ESR1: variants seen among roughly 807,000 people sequenced by gnomAD.
ESR1 encodes the protein estrogen receptor 1.
In ESR1, 12 loss-of-function variants were observed where a neutral mutation model predicts 52.7. The observed-to-expected ratio is 0.23, with a 90% confidence interval of 0.15 to 0.37. ESR1 has a LOEUF of 0.37. Ranked by LOEUF, ESR1 falls within the 10% of genes least tolerant of loss-of-function variation. ESR1 has a pLI of 1.00. For missense variants in ESR1, 584 were observed against 779.7 expected (o/e 0.75, Z 2.99); for synonymous variants, 305 against 316.8 (o/e 0.96, Z 0.39).
At chr6:151,967,012 G>T (rs1222721184) in intron 4 of ESR1, among the ~76,000 whole-genome samples, 1 of 152,134 alleles carries the variant, frequency 6.6e-6, no homozygotes, top group Admixed American at 6.5e-5. Flanking sequence ...ATCCTGCTTT[G>T]CATTCCCTTA....
At chr6:152,045,163 G>A (rs1428335490) in intron 5 of ESR1, among the ~76,000 whole-genome samples, 1 of 152,158 alleles carries the variant, frequency 6.6e-6, no homozygotes, top group Non-Finnish European at 1.5e-5. Flanking sequence ...GAAGCAGAAG[G>A]GACAATTACT....
chr6:152,060,986 C>T lies in ESR1; in HGVS notation c.1236-5C>T, dbSNP rs2128957637. On this transcript the variant is annotated splice_region_variant and splice_polypyrimidine_tract_variant and intron_variant, in intron 5 of 7. Coordinates refer to ENST00000206249, the MANE Select transcript of ESR1 (RefSeq NM_000125.4). ...TATTTATTTATTTTTGCTATGTTTT[C>T]ATAGGAACCAGGGAAAATGTGTAGA... The T allele has an allele frequency of 6.3e-7, 1 of 1,596,792 alleles. No individual in the cohort carries two copies. The highest frequency in any genetic ancestry group is 8.6e-7 in the Non-Finnish European group (1 of 1,169,272).
intron 1 of ESR1, among the ~76,000 whole-genome samples, chr6:151,676,925 G>A (rs1243934442): frequency 4.6e-5 from 7 of 152,174 alleles, no homozygotes; most frequent in African/African-American, 1.2e-4. Context: ...ACTGTGTAAC[G>A]CAGTTTGGAG....
intron 5 of ESR1, among the ~76,000 whole-genome samples, chr6:152,021,747 G>A (rs527566480): frequency 2.6e-5 from 4 of 152,260 alleles, no homozygotes; most frequent in African/African-American, 9.6e-5. Context: ...TGTTGTGGGA[G>A]GGACCCGGTG....
intron 4 of ESR1, among the ~76,000 whole-genome samples, chr6:151,947,889 A>G (rs1409811743): frequency 1.3e-5 from 2 of 152,150 alleles, no homozygotes; most frequent in Non-Finnish European, 2.9e-5. Flanking sequence ...AACACATACT[A>G]TGTATCTACT....
At chr6:152,010,767 T>C (rs1010395705) in intron 4 of ESR1, among the ~76,000 whole-genome samples, 10 of 152,178 alleles carry the variant, frequency 6.6e-5, no homozygotes, top group African/African-American at 2.4e-4. Context: ...GGAATATCAG[T>C]TCCTACCTCT....
At chr6:151,694,880 G>T (rs901406721) in intron 1 of ESR1, among the ~76,000 whole-genome samples, 1 of 152,154 alleles carries the variant, frequency 6.6e-6, no homozygotes, top group African/African-American at 2.4e-5. Context: ...GTGAATGAGG[G>T]TTCACCTGGC....
At position 151,685,150 on chromosome 6, in the gene ESR1, G is replaced by T. The variant is rs1393596633; in HGVS notation, n.74-16725G>T. ...TTTTTTTTTTTTTTTTTTTTGAGAC[G>T]GAGTCTCGCTCTGTCGCCCAGGCCG... On this transcript the variant is annotated intron_variant and non_coding_transcript_variant, in intron 1 of 2. Coordinates refer to the ESR1 transcript ENST00000473497. Among the ~76,000 whole-genome samples the T allele has an allele frequency of 2.7e-3, 282 of 104,320 alleles. 1 individual carries two copies. Among genetic ancestry groups the T allele is most frequent in the African/African-American group, 0.01 (275 of 27,022 alleles). 68.4% of individuals were successfully genotyped at this position (104,320 alleles called of 152,430 possible).
At chr6:151,808,454 T>C in intron 1 of ESR1, 90 bp downstream of exon 1, 1 of 1,163,782 alleles carries the variant, frequency 8.6e-7, no homozygotes. Context: ...CCTAGGGAGC[T>C]GCGGGAGCCG....
chr6:151,849,658 A>C (rs1412399822), intron 2 of ESR1, among the ~76,000 whole-genome samples: 1 of 151,170 alleles, frequency 6.6e-6, no homozygotes, highest in African/African-American at 2.4e-5. Flanking sequence ...AAAAAAAAAT[A>C]ATAATGATAG....
chr6:151,993,924 C>G (rs2041251918), intron 4 of ESR1, among the ~76,000 whole-genome samples: 1 of 152,088 alleles, frequency 6.6e-6, no homozygotes, highest in Non-Finnish European at 1.5e-5. Context: ...ATGGATATCT[C>G]TCTCTATTTT....
intron 5 of ESR1, among the ~76,000 whole-genome samples, chr6:152,021,609 T>C (rs1398678576): frequency 1.3e-5 from 2 of 152,126 alleles, no homozygotes; most frequent in Non-Finnish European, 2.9e-5. Flanking sequence ...ATCATGACTT[T>C]ATCATTAGAA....
chr6:151,997,703 T>G (rs1263914573), intron 4 of ESR1, among the ~76,000 whole-genome samples: 2 of 152,186 alleles, frequency 1.3e-5, no homozygotes, highest in East Asian at 3.9e-4. Flanking sequence ...ATTGACTGTG[T>G]TTTTAACAGG....
At chr6:151,877,816 CT>C (rs918328094) in intron 2 of ESR1, among the ~76,000 whole-genome samples, 17 of 147,924 alleles carry the variant, frequency 1.1e-4, no homozygotes, top group Non-Finnish European at 1.1e-4. Flanking sequence ...TTATTTTATT[CT>C]TTTTTTTTTA....
In ESR1 at chr6:151,816,997, A is replaced by G. The variant is rs1283927921; in HGVS notation, c.452+8633A>G. The stretch of plus-strand genomic sequence containing the variant: ...GCAATCCCAGAGAGGGAATTAATTG[A>G]AGCTGAGGTAAGCAGCTTATGGAGA... On this transcript the variant is annotated intron_variant, in intron 1 of 7. Transcript: ENST00000206249. Among the ~76,000 whole-genome samples the G allele has an allele frequency of 2.0e-5, 3 of 152,242 alleles. No individual in the cohort carries two copies. In the South Asian group the frequency reaches 6.2e-4, roughly 32 times the overall value.
At chr6:152,076,464 T>C (rs1256983995) in intron 6 of ESR1, among the ~76,000 whole-genome samples, 3 of 152,024 alleles carry the variant, frequency 2.0e-5, no homozygotes, top group African/African-American at 7.2e-5. Flanking sequence ...AGTAAATTGG[T>C]ACAAGGAGTG....
At chr6:152,063,493 C>G (rs2047712645) in intron 6 of ESR1, among the ~76,000 whole-genome samples, 1 of 152,288 alleles carries the variant, frequency 6.6e-6, no homozygotes, top group Non-Finnish European at 1.5e-5. Flanking sequence ...CCTCATGTCT[C>G]CTATTGTTCC....
In ESR1 at chr6:151,860,709, A is replaced by G. The variant is rs955589964; in HGVS notation, c.643+17922A>G. On this transcript the variant is annotated intron_variant, in intron 2 of 7. Coordinates refer to ENST00000206249, the MANE Select transcript of ESR1 (RefSeq NM_000125.4). ...AAAAGAAACATGCACCTTACTTCTT[A>G]GACACAAATTTCTTTCTCATAGCCA... Among the ~76,000 whole-genome samples, 3 of 152,238 alleles carry G rather than the reference A, an allele frequency of 2.0e-5. No homozygotes were observed. The South Asian group carries it at 6.2e-4, about 32-fold the overall frequency.
At chr6:151,833,113 T>C (rs75236234) in intron 1 of ESR1, among the ~76,000 whole-genome samples, 1,588 of 152,140 alleles carry the variant, frequency 0.01, 27 homozygotes, top group African/African-American at 0.037. Flanking sequence ...TTGACCAACA[T>C]AGAAAGGAGT....
Sources: gnomAD v4.1 joint callset for allele counts (sites outside exome capture counted in the v4.1 genomes callset) on GRCh38, gnomAD v4.1.1 for gene constraint, MANE v1.5 for transcripts, NCBI Gene and HGNC (gene_info 2026-07-23, HGNC 2026-07-21) for gene names.